Variants in UGGT2 observed in about 807,000 individuals in gnomAD.
The protein encoded by UGGT2 is UDP-glucose:glycoprotein glucosyltransferase 2.
In UGGT2, 180 loss-of-function variants were observed where a neutral mutation model predicts 192.1. The observed-to-expected ratio is 0.94, with a 90% CI of 0.83 to 1.06. The LOEUF is 1.06. UGGT2 is among the 50% of genes least tolerant of loss of function. The pLI is 0.00. For synonymous variants in UGGT2, 580 were observed against 591.0 expected (o/e 0.98, Z 0.27); for missense variants, 1,849 against 1,795.7 (o/e 1.03, Z -0.54).
intron 23 of UGGT2, among the ~76,000 whole-genome samples, 156 bp from the exon 24 acceptor site, chr13:95,894,813 T>TA (rs1468778117): frequency 2.0e-5 from 3 of 152,176 alleles, no homozygotes; most frequent in Non-Finnish European, 4.4e-5. Flanking sequence ...AGCATTTCTC[T>TA]AAAACAGTCA....
chr13:95,999,994 T>C (rs1176654025), intron 5 of UGGT2, among the ~76,000 whole-genome samples: 1 of 152,178 alleles, frequency 6.6e-6, no homozygotes, highest in Non-Finnish European at 1.5e-5. Flanking sequence ...GATTACCTCA[T>C]CAAACAAGAG....
chr13:95,852,236 TCCC>T (rs1189293572), intron 36 of UGGT2, among the ~76,000 whole-genome samples: 5 of 152,126 alleles, frequency 3.3e-5, no homozygotes, highest in Admixed American at 2.0e-4. Context: ...TTTACTTTAT[TCCC>T]CCCATCTTTA....
At chr13:95,876,137 T>C (rs1467843998) in intron 29 of UGGT2, among the ~76,000 whole-genome samples, 1 of 152,176 alleles carries the variant, frequency 6.6e-6, no homozygotes, top group East Asian at 1.9e-4. Flanking sequence ...TTTGGCTCCT[T>C]ACCAAAAAAG....
intron 1 of UGGT2, among the ~76,000 whole-genome samples, chr13:96,044,670 C>A (rs1192893127): frequency 1.3e-5 from 2 of 152,084 alleles, no homozygotes; most frequent in African/African-American, 4.8e-5. Context: ...GGAGCTATTA[C>A]AACTGACACC....
At chr13:95,874,696 C>T (rs1357096324) in intron 29 of UGGT2, among the ~76,000 whole-genome samples, 1 of 151,904 alleles carries the variant, frequency 6.6e-6, no homozygotes, top group African/African-American at 2.4e-5. Flanking sequence ...CCTTCTCCTC[C>T]TCCTTCTTAT....
At chr13:95,966,943 T>G (rs1165338152) in intron 12 of UGGT2, among the ~76,000 whole-genome samples, 3 of 152,208 alleles carry the variant, frequency 2.0e-5, no homozygotes, top group Admixed American at 6.5e-5. Context: ...AACATAATTT[T>G]CATGTCAATA....
At chr13:95,894,682 A>T in intron 23 of UGGT2, 25 bp from the exon 24 acceptor site, 1 of 1,587,038 alleles carries the variant, frequency 6.3e-7, no homozygotes, top group South Asian at 1.1e-5. Context: ...CAAACAGTGT[A>T]TGAGTTTTTT....
chr13:96,045,022 A>C (rs979815714), intron 1 of UGGT2, among the ~76,000 whole-genome samples: 2 of 152,118 alleles, frequency 1.3e-5, no homozygotes, highest in African/African-American at 4.8e-5. Context: ...TACCAAAACC[A>C]GGAAAAAAAC....
intron 12 of UGGT2, among the ~76,000 whole-genome samples, chr13:95,965,867 G>T (rs187761729): frequency 6.6e-6 from 1 of 152,016 alleles, no homozygotes; most frequent in Non-Finnish European, 1.5e-5. Context: ...AGTTAGAATG[G>T]CTATCATTAA....
chr13:95,963,240 A>G (rs1566763361), intron 12 of UGGT2, among the ~76,000 whole-genome samples: 1 of 152,180 alleles, frequency 6.6e-6, no homozygotes, highest in South Asian at 2.1e-4. Context: ...AGATGCAAGG[A>G]TAGTTCAACA....
In UGGT2 at chr13:95,821,423, T is replaced by C. The variant is rs896138005; in HGVS notation, c.4528+11504A>G. Among the ~76,000 whole-genome samples the C allele has an allele frequency of 2.0e-5, 3 of 152,180 alleles. No individual in the cohort carries two copies. In the South Asian group the frequency reaches 6.2e-4, roughly 32 times the overall value. ...TTCTATTCATGTCCTTTGCCCACGT[T>C]TGATGGGATTATTTTTTTCTTGCTA... On this transcript the variant is annotated intron_variant, in intron 38 of 38. Coordinates refer to ENST00000376747, the MANE Select transcript of UGGT2 (RefSeq NM_020121.4).
intron 29 of UGGT2, among the ~76,000 whole-genome samples, chr13:95,874,873 A>G (rs934881729): frequency 6.6e-6 from 1 of 152,152 alleles, no homozygotes. Context: ...TTGATTTTAC[A>G]TAGAGGTAGG....
chr13:95,806,037 A>T (rs778959556), intron 38 of UGGT2, among the ~76,000 whole-genome samples: 2 of 89,704 alleles, frequency 2.2e-5, no homozygotes, highest in South Asian at 6.1e-4. Context: ...AGAGATTATT[A>T]AAAAAAAAAA....
In UGGT2 at chr13:95,900,880, C is replaced by A. The variant is rs754066863; in HGVS notation, c.2561G>T (p.Arg854Leu). Residue 854 changes from arginine to leucine, a missense_variant, in exon 22 of 39, where the codon CGA becomes CTA. Arg to Leu is a moderately radical substitution (Grantham distance 102). Coordinates refer to ENST00000376747, the MANE Select transcript of UGGT2 (RefSeq NM_020121.4). ...ATCTTGACAGAACAACTGGTGAGTTCGAAAAATATTCACTCCAACAGTATT... is the reference window on the plus strand; with the variant it reads ...ATCTTGACAGAACAACTGGTGAGTTAGAAAAATATTCACTCCAACAGTATT... ...KYNTVGVNIFRTHQLFCQDVL... is the reference protein window; with the variant it reads ...KYNTVGVNIFLTHQLFCQDVL... The A allele has an allele frequency of 1.2e-6, 2 of 1,610,726 alleles. No individual in the cohort carries two copies. Among genetic ancestry groups the A allele is most frequent in the South Asian group, 1.1e-5 (1 of 90,662 alleles).
Position 96,023,683 on chromosome 13 carries a change from T to G in UGGT2, c.318A>C (p.Leu106Phe). ...ATGCCCTTATAGAGAAAGCAAACTT[T>G]AAAAGGTTGATGTGTAAATTGTCTA... ...QFLDNLHINL[L>F]KFAFSIRAYS... The change falls in exon 3 of 39, where the codon TTA becomes TTC. Residue 106 changes from leucine (L) to phenylalanine (F), a missense_variant. Transcript: ENST00000376747. 1 of 1,612,136 alleles carries G rather than the reference T, an allele frequency of 6.2e-7. No homozygotes were observed.
rs773088532 is a variant in UGGT2 at position 95,947,025 on chromosome 13, G to A, written c.1677+12C>T. 1 of 1,563,788 alleles carries A rather than the reference G, an allele frequency of 6.4e-7. No individual in the cohort carries two copies. Among genetic ancestry groups the A allele is most frequent in the Admixed American group, 2.1e-5 (1 of 47,758 alleles). On this transcript the variant is annotated intron_variant, in intron 15 of 38. Coordinates refer to ENST00000376747, the MANE Select transcript of UGGT2 (RefSeq NM_020121.4). ...ACCTTCTAAACAAATCACATTTAGT[G>A]CATAAACTCACGTGTACTATAGAAA...
chr13:95,828,801 C>G (rs1168117239), intron 38 of UGGT2, among the ~76,000 whole-genome samples: 1 of 152,172 alleles, frequency 6.6e-6, no homozygotes, highest in African/African-American at 2.4e-5. Flanking sequence ...AAGAGGGAAT[C>G]CTCCCTAACT....
At chr13:95,857,440 G>T (rs1889724317) in intron 33 of UGGT2, among the ~76,000 whole-genome samples, 1 of 152,054 alleles carries the variant, frequency 6.6e-6, no homozygotes, top group Non-Finnish European at 1.5e-5. Flanking sequence ...AAAGTGCTAT[G>T]AAGAAAAATT....
At chr13:96,016,351 T>C (rs1020409651) in intron 4 of UGGT2, among the ~76,000 whole-genome samples, 1 of 152,174 alleles carries the variant, frequency 6.6e-6, no homozygotes, top group African/African-American at 2.4e-5. Flanking sequence ...AGAAAAGGCC[T>C]GGAAGGTATT....
Sources: allele counts gnomAD v4.1 joint callset (sites outside exome capture counted in the v4.1 genomes callset), GRCh38; gene constraint gnomAD v4.1.1; transcripts MANE v1.5; gene names NCBI Gene and HGNC (gene_info 2026-07-23, HGNC 2026-07-21).